Variants in MUSK observed in about 807,000 individuals in gnomAD.
MUSK encodes muscle, skeletal receptor tyrosine-protein kinase.
In MUSK, 55 loss-of-function variants were observed where a neutral mutation model predicts 88.7. The ratio of observed to expected loss-of-function variants is 0.62; its 90% CI spans 0.50 to 0.78. The LOEUF is 0.78. Among genes scored for constraint, MUSK ranks in the 30% least tolerant of loss-of-function variants. The pLI is 0.00. For missense variants in MUSK, 1,015 were observed against 1,074.3 expected, an observed-to-expected ratio of 0.94 and a Z score of 0.77; for synonymous variants, 387 against 391.9, an observed-to-expected ratio of 0.99 and a Z score of 0.15.
intron 7 of MUSK, among the ~76,000 whole-genome samples, chr9:110,748,733 G>C (rs1052809325): frequency 1.4e-4 from 22 of 152,274 alleles, no homozygotes; most frequent in African/African-American, 4.6e-4. Context: ...CCACCTCTTT[G>C]ATCTTCCCTG....
intron 8 of MUSK, among the ~76,000 whole-genome samples, chr9:110,762,990 T>C (rs987901140): frequency 6.6e-6 from 1 of 151,890 alleles, no homozygotes; most frequent in Non-Finnish European, 1.5e-5. Flanking sequence ...CATCAGAAAA[T>C]GGTAAGTATG....
intron 1 of MUSK, among the ~76,000 whole-genome samples, chr9:110,676,360 A>ATATTATATAT (rs150440779): frequency 2.7e-5 from 4 of 147,502 alleles, no homozygotes; most frequent in Non-Finnish European, 6.0e-5. Flanking sequence ...TATATATTAT[A>ATATTATATAT]TATTATATAT....
chr9:110,708,899 GAA>G (rs1436915773), intron 5 of MUSK, among the ~76,000 whole-genome samples: 3 of 152,138 alleles, frequency 2.0e-5, no homozygotes, highest in Non-Finnish European at 4.4e-5. Flanking sequence ...TATTTGAAAT[GAA>G]AAGTTATCGT....
chr9:110,695,650 A>T, intron 4 of MUSK, 120 bp downstream of exon 4: 1 of 803,986 alleles, frequency 1.2e-6, no homozygotes, highest in Non-Finnish European at 1.9e-6. Context: ...TGTACATTTT[A>T]ACCAAATGTA....
chr9:110,689,938 A>ATATATATT (rs2076292466), intron 3 of MUSK, among the ~76,000 whole-genome samples: 1 of 93,532 alleles, frequency 1.1e-5, no homozygotes, highest in African/African-American at 4.9e-5. Flanking sequence ...TAATATATAA[A>ATATATATT]TATATATTTA....
intron 2 of MUSK, among the ~76,000 whole-genome samples, chr9:110,685,405 A>G (rs1017980472): frequency 6.6e-6 from 1 of 152,072 alleles, no homozygotes; most frequent in African/African-American, 2.4e-5. Flanking sequence ...CCAAATCATC[A>G]AGTCCTGGTT....
rs867009502 is a variant in MUSK, at chr9:110,755,977, T to C, written c.914-6225T>C. 4.6e-3 allele frequency among the ~76,000 whole-genome samples: 295 copies of C among 63,500 alleles called. 10 individuals are homozygous for C. The highest frequency in any genetic ancestry group is 9.2e-3 in the African/African-American group (181 of 19,580). 41.7% of individuals were successfully genotyped at this position (63,500 alleles called of 152,430 possible). On this transcript the variant is annotated intron_variant, in intron 7 of 14. Coordinates refer to ENST00000374448, the MANE Select transcript of MUSK (RefSeq NM_005592.4). ...ACATATATATATACATATATATATA[T>C]ACATATATATATATATATATGAATT...
At chr9:110,755,471 T>A (rs2077298672) in intron 7 of MUSK, among the ~76,000 whole-genome samples, 1 of 152,164 alleles carries the variant, frequency 6.6e-6, no homozygotes, top group Non-Finnish European at 1.5e-5. Context: ...TGGTGTTTTC[T>A]CCAACCAATG....
At chr9:110,682,125 C>T (rs764660567) in intron 1 of MUSK, among the ~76,000 whole-genome samples, 1 of 152,074 alleles carries the variant, frequency 6.6e-6, no homozygotes, top group Non-Finnish European at 1.5e-5. Flanking sequence ...CAAGTGAATT[C>T]TCTATGAATC....
chr9:110,788,692 G>C (rs2077918359), intron 14 of MUSK, among the ~76,000 whole-genome samples: 1 of 123,522 alleles, frequency 8.1e-6, no homozygotes, highest in South Asian at 2.6e-4. Context: ...TCTATATGAG[G>C]AGACAGATAA....
At chr9:110,748,147 T>TTCCTTCCTTCCCTTATTCCC (rs2077200758) in intron 7 of MUSK, among the ~76,000 whole-genome samples, 1 of 150,874 alleles carries the variant, frequency 6.6e-6, no homozygotes, top group Non-Finnish European at 1.5e-5. Context: ...CCTTCCTTCT[T>TTCCTTCCTTCCCTTATTCCC]TCCTTCCTTC....
At chr9:110,778,663 A>G (rs1028123135) in intron 11 of MUSK, among the ~76,000 whole-genome samples, 1 of 151,982 alleles carries the variant, frequency 6.6e-6, no homozygotes, top group South Asian at 2.1e-4. Flanking sequence ...AATTTTACCC[A>G]TCTAGTAAGG....
At chr9:110,719,201 C>G (rs2076780816) in intron 5 of MUSK, among the ~76,000 whole-genome samples, 1 of 152,000 alleles carries the variant, frequency 6.6e-6, no homozygotes, top group Non-Finnish European at 1.5e-5. Context: ...ATTCAGGCAA[C>G]AAATAGCACA....
chr9:110,673,401 T>A (rs568358478), intron 1 of MUSK, among the ~76,000 whole-genome samples: 1 of 152,298 alleles, frequency 6.6e-6, no homozygotes, highest in Admixed American at 6.5e-5. Flanking sequence ...ATTAATAGTA[T>A]CTACCTTTTT....
chr9:110,775,775 T>C lies in MUSK; in HGVS notation c.1185-13T>C. ...ATGATTCATCAAGTTTTGTTCTCCA[T>C]ATACTATTTTAGAGAGTACTGCTTG... On this transcript the variant is annotated splice_polypyrimidine_tract_variant and intron_variant, in intron 9 of 14. Transcript: ENST00000374448. 6.2e-7 allele frequency: 1 copy of C among 1,612,926 alleles called. No individual in the cohort carries two copies. Among genetic ancestry groups the C allele is most frequent in the Non-Finnish European group, 8.5e-7 (1 of 1,178,942 alleles).
chr9:110,693,814 G>C (rs903886620), intron 3 of MUSK, among the ~76,000 whole-genome samples: 1 of 152,104 alleles, frequency 6.6e-6, no homozygotes, highest in Non-Finnish European at 1.5e-5. Context: ...GGAACCTATG[G>C]AAGGCATAGA....
In MUSK at chr9:110,668,947, C is replaced by T; in HGVS notation, c.43C>T (p.Leu15=). 7 of 1,613,838 alleles carry T rather than the reference C, an allele frequency of 4.3e-6. No homozygotes were observed. Among genetic ancestry groups the T allele is most frequent in the Non-Finnish European group, 5.9e-6 (7 of 1,179,750 alleles). ...VNIPLVHILT[L]VAFSGTEKLP... ...CATTCCACTGGTACATATTCTTACTCTGGTTGCCTTCAGCGGAACTGAGAA... is the reference window on the plus strand; with the variant it reads ...CATTCCACTGGTACATATTCTTACTTTGGTTGCCTTCAGCGGAACTGAGAA... The change falls in exon 1 of 15, where the codon CTG becomes TTG. Residue 15 remains leucine, a synonymous_variant. Coordinates refer to ENST00000374448, the MANE Select transcript of MUSK (RefSeq NM_005592.4).
chr9:110,682,808 T>C lies in MUSK; in HGVS notation c.206+8T>C, dbSNP rs1465825999. The C allele has an allele frequency of 6.2e-7, 1 of 1,607,508 alleles. No individual in the cohort carries two copies. The highest frequency in any genetic ancestry group is 1.1e-5 in the South Asian group (1 of 90,360). On this transcript the variant is annotated splice_region_variant and intron_variant, in intron 2 of 14. Coordinates refer to ENST00000374448, the MANE Select transcript of MUSK (RefSeq NM_005592.4). ...AAATAAAATTCTCATTAAGTAAGTA[T>C]TCCACATTTTAATTTTTTTAAATTT...
intron 13 of MUSK, among the ~76,000 whole-genome samples, chr9:110,787,361 CAAAAA>C (rs10659550): frequency 3.3e-5 from 3 of 91,432 alleles, no homozygotes. Flanking sequence ...GACTCTGTCT[CAAAAA>C]AAAAAAAAAA....
Sources: allele counts gnomAD v4.1 joint callset (sites outside exome capture counted in the v4.1 genomes callset), GRCh38; gene constraint gnomAD v4.1.1; transcripts MANE v1.5; gene names NCBI Gene and HGNC (gene_info 2026-07-23, HGNC 2026-07-21).